UNC13C: variants seen among roughly 807,000 people sequenced by gnomAD.
UNC13C encodes the protein protein unc-13 homolog C.
In UNC13C, 174 loss-of-function variants were observed where a neutral mutation model predicts 245.4. The observed-to-expected ratio is 0.71, with a 90% CI of 0.63 to 0.80. UNC13C has a LOEUF of 0.80. Ranked by LOEUF, UNC13C falls within the 30% of genes least tolerant of loss-of-function variation. The pLI is 0.00. For synonymous variants in UNC13C, 992 were observed against 895.1 expected (o/e 1.11, Z -1.93); for missense variants, 2,829 against 2,602.9 (o/e 1.09, Z -1.89).
chr15:54,236,506 G>C (rs1400452738), intron 6 of UNC13C, 71 bp downstream of exon 6: 2 of 1,135,712 alleles, frequency 1.8e-6, no homozygotes, highest in Non-Finnish European at 2.5e-6. Context: ...TTACTCATGG[G>C]GTAAAAGAGG....
At chr15:54,598,185 C>G (rs1283105324) in intron 30 of UNC13C, among the ~76,000 whole-genome samples, 1 of 152,140 alleles carries the variant, frequency 6.6e-6, no homozygotes, top group Non-Finnish European at 1.5e-5. Context: ...CTTCACCTCC[C>G]TAGTTGAAAC....
intron 2 of UNC13C, chr15:54,050,675 C>T: frequency 1.9e-6 from 1 of 516,460 alleles, no homozygotes; most frequent in South Asian, 1.6e-5. Context: ...TATACTCAAA[C>T]TCTTTGGAAA....
chr15:54,206,622 C>G (rs933405361), intron 4 of UNC13C, among the ~76,000 whole-genome samples: 2 of 152,046 alleles, frequency 1.3e-5, no homozygotes, highest in Non-Finnish European at 2.9e-5. Flanking sequence ...AAACTAGGAT[C>G]AGGTGAAGGA....
chr15:54,181,794 A>G (rs2033808935), intron 4 of UNC13C, among the ~76,000 whole-genome samples: 2 of 151,768 alleles, frequency 1.3e-5, no homozygotes, highest in Admixed American at 6.6e-5. Context: ...TTTTATGGCT[A>G]TTTTAAATGG....
chr15:54,233,724 A>G (rs1213802942), intron 4 of UNC13C, among the ~76,000 whole-genome samples: 1 of 152,196 alleles, frequency 6.6e-6, no homozygotes, highest in Non-Finnish European at 1.5e-5. Context: ...GCAAGAACAT[A>G]GAGGCCATCT....
At chr15:54,307,995 C>A (rs1411850747) in intron 13 of UNC13C, among the ~76,000 whole-genome samples, 1 of 151,906 alleles carries the variant, frequency 6.6e-6, no homozygotes, top group Non-Finnish European at 1.5e-5. Flanking sequence ...TGCAGATAGT[C>A]TTTCCTTTCA....
the UNC13C span, among the ~76,000 whole-genome samples, chr15:53,908,636 T>G: frequency 4.9e-5 from 7 of 142,526 alleles, 3 homozygotes; most frequent in Non-Finnish European, 1.1e-4. Flanking sequence ...GCACCTGTAG[T>G]CCCAGCTTGG....
intron 17 of UNC13C, among the ~76,000 whole-genome samples, chr15:54,380,980 T>C (rs1754454146): frequency 6.6e-6 from 1 of 152,154 alleles, no homozygotes; most frequent in South Asian, 2.1e-4. Flanking sequence ...ACCCATTTGT[T>C]TATTTTTGCC....
intron 29 of UNC13C, among the ~76,000 whole-genome samples, chr15:54,556,649 TA>T (rs1897102863): frequency 6.6e-6 from 1 of 152,076 alleles, no homozygotes; most frequent in Non-Finnish European, 1.5e-5. Flanking sequence ...TAAAAAACTT[TA>T]AAAGTTTTTT....
At chr15:54,412,181 G>C (rs1421122106) in intron 18 of UNC13C, among the ~76,000 whole-genome samples, 1 of 151,928 alleles carries the variant, frequency 6.6e-6, no homozygotes, top group Non-Finnish European at 1.5e-5. Context: ...ACTCCAGCCT[G>C]GGTGACAGAG....
intron 2 of UNC13C, among the ~76,000 whole-genome samples, chr15:54,044,237 G>A (rs1325981762): frequency 6.6e-6 from 1 of 152,128 alleles, no homozygotes; most frequent in African/African-American, 2.4e-5. Flanking sequence ...TCTCTATGTT[G>A]TAGCACATAA....
At chr15:54,026,952 T>G (rs935090643) in intron 2 of UNC13C, among the ~76,000 whole-genome samples, 8 of 152,188 alleles carry the variant, frequency 5.3e-5, no homozygotes, top group Admixed American at 6.5e-5. Flanking sequence ...TGTTTCCAAC[T>G]TTGATAATGG....
chr15:54,598,092 A>T (rs182675949), intron 30 of UNC13C, among the ~76,000 whole-genome samples: 1 of 152,250 alleles, frequency 6.6e-6, no homozygotes, highest in Admixed American at 6.5e-5. Flanking sequence ...AAAGATTTTA[A>T]CCTCTAAGGT....
At chr15:53,994,164 C>T (rs1021500457) in intron 1 of UNC13C, among the ~76,000 whole-genome samples, 42 of 141,252 alleles carry the variant, frequency 3.0e-4, no homozygotes, top group African/African-American at 1.1e-3. Context: ...AGAGACGTTA[C>T]ACGTATAATT....
chr15:54,588,684 T>C (rs992455246), intron 30 of UNC13C, among the ~76,000 whole-genome samples: 4 of 152,220 alleles, frequency 2.6e-5, no homozygotes, highest in African/African-American at 9.6e-5. Context: ...TACATTCTTA[T>C]GCATTTGCAT....
intron 19 of UNC13C, among the ~76,000 whole-genome samples, chr15:54,439,362 A>T (rs1890390554): frequency 6.6e-6 from 1 of 152,016 alleles, no homozygotes; most frequent in Admixed American, 6.6e-5. Flanking sequence ...TATGTAATCT[A>T]GAGTTTACAG....
chr15:53,902,955 G>A, the UNC13C span, among the ~76,000 whole-genome samples: 2 of 152,180 alleles, frequency 1.3e-5, no homozygotes, highest in African/African-American at 4.8e-5. Flanking sequence ...TAGGGACAGT[G>A]GTGGGGCTGG....
At chr15:54,080,493 C>T (rs1048753717) in intron 2 of UNC13C, among the ~76,000 whole-genome samples, 7 of 151,752 alleles carry the variant, frequency 4.6e-5, no homozygotes, top group South Asian at 4.1e-4. Context: ...CGATTCATTT[C>T]TATAACTTGT....
At chr15:54,129,148 G>A (rs1013236676) in intron 2 of UNC13C, among the ~76,000 whole-genome samples, 14 of 152,136 alleles carry the variant, frequency 9.2e-5, no homozygotes, top group Non-Finnish European at 4.4e-5. Flanking sequence ...GGAGTAATAG[G>A]GAGAGTAGGT....
Sources: gnomAD v4.1 joint callset for allele counts (sites outside exome capture counted in the v4.1 genomes callset) on GRCh38, gnomAD v4.1.1 for gene constraint, MANE v1.5 for transcripts, NCBI Gene and HGNC (gene_info 2026-07-23, HGNC 2026-07-21) for gene names.